The following SIPA1L1 variants were observed in gnomAD, a reference collection of about 807,000 sequenced individuals.
SIPA1L1 encodes the protein signal induced proliferation associated 1 like 1.
A neutral mutation model predicts 162.7 loss-of-function variants in SIPA1L1; 26 were observed. The ratio of observed to expected loss-of-function variants is 0.16; its 90% CI spans 0.12 to 0.22. The LOEUF (loss-of-function observed/expected upper bound fraction) is 0.22, where lower values mean the gene tolerates loss of function less well. Ranked by LOEUF, SIPA1L1 falls within the 10% of genes least tolerant of loss-of-function variation. The pLI, the probability that SIPA1L1 is intolerant of heterozygous loss-of-function variation, is 1.00. For missense variants in SIPA1L1, 1,874 were observed against 2,241.0 expected, an observed-to-expected ratio of 0.84 and a Z score of 3.31; for synonymous variants, 829 against 837.4, an observed-to-expected ratio of 0.99 and a Z score of 0.17.
At chr14:71,663,969 A>G (rs1393661967) in intron 10 of SIPA1L1, among the ~76,000 whole-genome samples, 31 of 152,218 alleles carry the variant, frequency 2.0e-4, no homozygotes, top group Admixed American at 2.0e-3. Context: ...GCCTATTGCA[A>G]ACTTTAAAGA....
At chr14:71,542,415 T>C (rs2054503598) in intron 4 of SIPA1L1, among the ~76,000 whole-genome samples, 1 of 149,416 alleles carries the variant, frequency 6.7e-6, no homozygotes, top group Admixed American at 6.6e-5. Flanking sequence ...CTGCTTCTGC[T>C]TCTTCTTCCT....
At chr14:71,513,735 C>T (rs1371404013) in intron 3 of SIPA1L1, among the ~76,000 whole-genome samples, 1 of 152,062 alleles carries the variant, frequency 6.6e-6, no homozygotes, top group Non-Finnish European at 1.5e-5. Flanking sequence ...TCTAGTGATC[C>T]ACCTAGGCTT....
rs187287433 is a variant in SIPA1L1, at chr14:71,330,100, G to C, written c.-465+8919G>C. The stretch of plus-strand genomic sequence containing the variant: ...AAATGTCAGTTGTCTTTCCTAACTA[G>C]GTTCCTCATGGGCTAGGTTATGCCT... On this transcript the variant is annotated intron_variant, in intron 2 of 23. Transcript: ENST00000381232. Among the ~76,000 whole-genome samples the C allele has an allele frequency of 3.3e-5, 5 of 152,310 alleles. No homozygotes were observed. The East Asian group carries it at 9.6e-4, about 29-fold the overall frequency.
chr14:71,723,615 G>A, intron 17 of SIPA1L1, 32 bp from the exon 18 acceptor site: 1 of 1,612,034 alleles, frequency 6.2e-7, no homozygotes, highest in Non-Finnish European at 8.5e-7. Context: ...ATGATCCTGA[G>A]ATACACATGT....
chr14:71,556,160 C>T lies in SIPA1L1; in HGVS notation c.-303+26790C>T, dbSNP rs1385923199. Among the ~76,000 whole-genome samples the T allele has an allele frequency of 4.6e-5, 7 of 152,146 alleles. No individual in the cohort carries two copies. In the East Asian group the frequency reaches 1.3e-3, roughly 29 times the overall value. On this transcript the variant is annotated intron_variant, in intron 4 of 23. Coordinates refer to ENST00000381232, the MANE Select transcript of SIPA1L1 (RefSeq NM_001386936.1). ...GTGAAGTGCCATAAAATGAGGTGTG[C>T]CTGTATTGTATTTATTGAACAGAAA...
intron 13 of SIPA1L1, among the ~76,000 whole-genome samples, chr14:71,692,003 C>G (rs1443559020): frequency 6.6e-6 from 1 of 152,146 alleles, no homozygotes; most frequent in Non-Finnish European, 1.5e-5. Context: ...AATAGGCTCC[C>G]AATGCTTTTT....
chr14:71,340,468 T>C (rs1319621708), intron 2 of SIPA1L1, among the ~76,000 whole-genome samples: 1 of 152,146 alleles, frequency 6.6e-6, no homozygotes, highest in Non-Finnish European at 1.5e-5. Context: ...CTCATGAAAT[T>C]CCTGAAAAAT....
At chr14:71,641,383 A>G (rs1436484214) in intron 7 of SIPA1L1, among the ~76,000 whole-genome samples, 4 of 152,222 alleles carry the variant, frequency 2.6e-5, no homozygotes, top group African/African-American at 7.2e-5. Flanking sequence ...AAATACCTTT[A>G]AAGAACAACA....
intron 2 of SIPA1L1, among the ~76,000 whole-genome samples, chr14:71,435,659 A>G (rs916692870): frequency 2.0e-5 from 3 of 152,208 alleles, no homozygotes; most frequent in Non-Finnish European, 2.9e-5. Context: ...TCTTTATAGC[A>G]ACATGATTTA....
At position 71,586,112 on chromosome 14, in the gene SIPA1L1, G is replaced by T. The variant is rs568869906; in HGVS notation, c.-302-1459G>T. On this transcript the variant is annotated intron_variant, in intron 4 of 23. Transcript: ENST00000381232. ...ACTATTATCCCTTTTACAAAAGATG[G>T]TGAAGAGGAGTGCTAGTGAAAACAA... Among the ~76,000 whole-genome samples, 7 of 152,300 alleles carry T rather than the reference G, an allele frequency of 4.6e-5. No homozygotes were observed. In the East Asian group the frequency reaches 1.3e-3, roughly 29 times the overall value.
intron 4 of SIPA1L1, among the ~76,000 whole-genome samples, chr14:71,578,104 T>C (rs576850864): frequency 3.9e-5 from 6 of 152,102 alleles, no homozygotes; most frequent in Non-Finnish European, 8.8e-5. Context: ...AGAGACGGGG[T>C]TTCACCATGT....
chr14:71,700,112 G>C (rs1207472018), intron 14 of SIPA1L1, among the ~76,000 whole-genome samples: 1 of 151,770 alleles, frequency 6.6e-6, no homozygotes, highest in African/African-American at 2.4e-5. Context: ...AAGTTCATCA[G>C]ATGAAAATGT....
At chr14:71,575,193 C>T (rs865922756) in intron 4 of SIPA1L1, 1 of 152,102 alleles carries the variant, frequency 6.6e-6, no homozygotes, top group African/African-American at 2.4e-5. Flanking sequence ...AATCATCCAC[C>T]CCTTTGCCTT....
At chr14:71,445,464 A>G (rs2045271259) in intron 2 of SIPA1L1, among the ~76,000 whole-genome samples, 2 of 152,122 alleles carry the variant, frequency 1.3e-5, no homozygotes, top group Non-Finnish European at 2.9e-5. Flanking sequence ...TTGTATCTAG[A>G]AACAAAGTCT....
chr14:71,385,834 T>C (rs577085677), intron 2 of SIPA1L1, among the ~76,000 whole-genome samples: 8 of 152,132 alleles, frequency 5.3e-5, no homozygotes, highest in African/African-American at 1.9e-4. Flanking sequence ...ATTACAGGCA[T>C]GTGCCACCAC....
intron 3 of SIPA1L1, among the ~76,000 whole-genome samples, chr14:71,521,838 T>G (rs943220538): frequency 6.6e-6 from 1 of 152,204 alleles, no homozygotes; most frequent in Non-Finnish European, 1.5e-5. Context: ...ATTTCAGCCA[T>G]TCCAGTGGGT....
intron 2 of SIPA1L1, among the ~76,000 whole-genome samples, chr14:71,388,312 G>A (rs1259595959): frequency 1.3e-5 from 2 of 152,136 alleles, no homozygotes; most frequent in Admixed American, 1.3e-4. Context: ...GACTTTAATT[G>A]ACCCAAGCTA....
At position 71,630,890 on chromosome 14, in the gene SIPA1L1, T is replaced by C. The variant is rs979223573; in HGVS notation, c.1818+6654T>C. Among the ~76,000 whole-genome samples the C allele has an allele frequency of 2.0e-5, 3 of 151,712 alleles. No individual in the cohort carries two copies. In the South Asian group the frequency reaches 6.2e-4, roughly 31 times the overall value. ...TATATTATATATATACATATATATA[T>C]ACTTTAAGTTCTAGGGTACATGTGC... On this transcript the variant is annotated intron_variant, in intron 7 of 23. Transcript: ENST00000381232.
At chr14:71,691,132 T>C (rs1398144285) in intron 13 of SIPA1L1, among the ~76,000 whole-genome samples, 1 of 152,230 alleles carries the variant, frequency 6.6e-6, no homozygotes, top group African/African-American at 2.4e-5. Context: ...ACTAAGTTTC[T>C]TTTGCTTACC....
Sources: allele counts gnomAD v4.1 joint callset (sites outside exome capture counted in the v4.1 genomes callset), GRCh38; gene constraint gnomAD v4.1.1; transcripts MANE v1.5; gene names NCBI Gene and HGNC (gene_info 2026-07-23, HGNC 2026-07-21).